Variants in ACOT1 observed in about 807,000 individuals in gnomAD.
The protein encoded by ACOT1 is acyl-coenzyme A thioesterase 1.
A neutral mutation model predicts 15.7 loss-of-function variants in ACOT1; 8 were observed. The ratio of observed to expected loss-of-function variants is 0.51; its 90% confidence interval spans 0.30 to 0.92. ACOT1 has a LOEUF of 0.92. Among genes scored for constraint, ACOT1 ranks in the 40% least tolerant of loss-of-function variants. ACOT1 has a pLI of 0.06. For missense variants in ACOT1, 151 were observed against 539.4 expected, an observed-to-expected ratio of 0.28 and a Z score of 7.13; for synonymous variants, 67 against 241.2, an observed-to-expected ratio of 0.28 and a Z score of 6.69.
chr14:73,524,950 A>C, the ACOT1 span, among the ~76,000 whole-genome samples: 1 of 152,006 alleles, frequency 6.6e-6, no homozygotes, highest in African/African-American at 2.4e-5. Flanking sequence ...GATTTCTCTT[A>C]CTGTCTTCCA....
the ACOT1 span, among the ~76,000 whole-genome samples, chr14:73,496,396 G>A: frequency 6.6e-6 from 1 of 152,144 alleles, no homozygotes; most frequent in African/African-American, 2.4e-5. Context: ...TTTTTGTTTT[G>A]TTTTTGTCTT....
the ACOT1 span, among the ~76,000 whole-genome samples, chr14:73,510,189 A>T: frequency 6.6e-6 from 1 of 151,706 alleles, no homozygotes; most frequent in Non-Finnish European, 1.5e-5. Flanking sequence ...GAACAATTAT[A>T]TTTAGGTAGT....
At chr14:73,525,117 C>T in the ACOT1 span, among the ~76,000 whole-genome samples, 45 of 152,144 alleles carry the variant, frequency 3.0e-4, no homozygotes, top group Non-Finnish European at 4.7e-4. Context: ...GCAGCCTCAA[C>T]CTCCTGGGCC....
chr14:73,524,310 A>AAAAAAAAAAAAAAATATATATATATAT, the ACOT1 span, among the ~76,000 whole-genome samples: 1 of 54,788 alleles, frequency 1.8e-5, no homozygotes. Flanking sequence ...AAAAAAAAAA[A>AAAAAAAAAAAAAAATATATATATATAT]ATATATATAT....
chr14:73,524,310 A>AAAAATATATATATATATAT, the ACOT1 span, among the ~76,000 whole-genome samples: 2 of 54,778 alleles, frequency 3.7e-5, no homozygotes, highest in East Asian at 4.5e-4. Flanking sequence ...AAAAAAAAAA[A>AAAAATATATATATATATAT]ATATATATAT....
At chr14:73,506,813 T>G in the ACOT1 span, among the ~76,000 whole-genome samples, 2 of 131,976 alleles carry the variant, frequency 1.5e-5, no homozygotes, top group East Asian at 2.4e-4. Flanking sequence ...TGTTTTTTTT[T>G]TTTTTTTTTT....
chr14:73,492,049 C>A, the ACOT1 span: 1 of 1,613,996 alleles, frequency 6.2e-7, no homozygotes, highest in South Asian at 1.1e-5. This position sits in a 1 kb window ranked among gnomAD's most constrained non-coding sequence, Gnocchi z 4.9. Context: ...ACGACGACAT[C>A]GAGGCCTTCG....
At chr14:73,521,522 C>T in the ACOT1 span, among the ~76,000 whole-genome samples, 2 of 152,122 alleles carry the variant, frequency 1.3e-5, no homozygotes, top group Non-Finnish European at 2.9e-5. Flanking sequence ...TGCAGAGTGC[C>T]TGGAAAGTAG....
At chr14:73,502,116 A>T in the ACOT1 span, among the ~76,000 whole-genome samples, 42 of 148,760 alleles carry the variant, frequency 2.8e-4, no homozygotes, top group Non-Finnish European at 5.6e-4. Flanking sequence ...CTGGTCTCGA[A>T]CTCCTGGGCT....
At chr14:73,528,548 G>A in the ACOT1 span, among the ~76,000 whole-genome samples, 1 of 152,106 alleles carries the variant, frequency 6.6e-6, no homozygotes, top group African/African-American at 2.4e-5. Context: ...GTTCTGGCTT[G>A]TCTTTGTCTG....
the ACOT1 span, chr14:73,520,882 C>T: frequency 6.8e-6 from 11 of 1,614,026 alleles, no homozygotes; most frequent in East Asian, 2.5e-4. Context: ...AAGGTGTTGT[C>T]TGTGGAGTAG....
the ACOT1 span, chr14:73,498,059 T>G: frequency 8.6e-7 from 1 of 1,168,364 alleles, no homozygotes; most frequent in Non-Finnish European, 1.2e-6. Context: ...TTTACTGCCA[T>G]TAGGTAGCCT....
chr14:73,507,549 T>C, the ACOT1 span, among the ~76,000 whole-genome samples: 3,242 of 152,216 alleles, frequency 0.021, 62 homozygotes, highest in Non-Finnish European at 0.034. Context: ...TCCTCCCACC[T>C]CAGCCTCTTG....
chr14:73,535,310 G>A (rs2140308524), upstream of ACOT1, among the ~76,000 whole-genome samples: 2 of 112,862 alleles, frequency 1.8e-5, 1 homozygote, highest in Non-Finnish European at 3.8e-5. Context: ...GCCATGAAAA[G>A]GTCATACCAG....
the ACOT1 span, chr14:73,491,690 C>G: frequency 6.5e-7 from 1 of 1,549,724 alleles, no homozygotes; most frequent in Non-Finnish European, 8.7e-7. Flanking sequence ...CCTATGGGAG[C>G]GCGAGGCGGT....
chr14:73,501,315 T>C, the ACOT1 span, among the ~76,000 whole-genome samples: 1 of 151,922 alleles, frequency 6.6e-6, no homozygotes, highest in Non-Finnish European at 1.5e-5. Context: ...TTAGTAGAGA[T>C]GGGGTTTCAC....
At chr14:73,522,422 C>A in the ACOT1 span, 13 of 1,614,146 alleles carry the variant, frequency 8.1e-6, no homozygotes, top group East Asian at 2.2e-5. Context: ...CCGAATGTGA[C>A]TCCAGTCGTA....
chr14:73,514,052 A>G, the ACOT1 span: 10 of 1,614,058 alleles, frequency 6.2e-6, no homozygotes, highest in Non-Finnish European at 8.5e-7. Context: ...GCAGTCTTCC[A>G]TTCCTTCAGC....
chr14:73,522,187 A>G, the ACOT1 span: 1 of 1,394,250 alleles, frequency 7.2e-7, no homozygotes, highest in Non-Finnish European at 9.8e-7. Context: ...GTGCATTCTG[A>G]AATCGGGAGT....
Sources: allele counts gnomAD v4.1 joint callset (sites outside exome capture counted in the v4.1 genomes callset), GRCh38; gene constraint gnomAD v4.1.1; non-coding constraint Gnocchi (gnomAD v3.1); transcripts MANE v1.5; gene names NCBI Gene and HGNC (gene_info 2026-07-23, HGNC 2026-07-21).